The following DNAJB1 variants were observed in gnomAD, a reference collection of about 807,000 sequenced individuals.
DNAJB1 encodes the protein dnaJ homolog subfamily B member 1.
DNAJB1 carries 14 observed loss-of-function variants against 24.0 expected under a neutral mutation model. The ratio of observed to expected loss-of-function variants is 0.58; its 90% confidence interval spans 0.39 to 0.91. DNAJB1 has a LOEUF of 0.91. DNAJB1 is among the 40% of genes least tolerant of loss of function. The pLI, the probability that DNAJB1 is intolerant of heterozygous loss-of-function variation, is 0.00. For missense variants in DNAJB1, 517 were observed against 458.1 expected (o/e 1.13, Z -1.17); for synonymous variants, 262 against 174.4 (o/e 1.50, Z -3.96).
At chr19:14,522,342 G>A (rs962824809), upstream of DNAJB1, among the ~76,000 whole-genome samples, 24 of 151,904 alleles carry the variant, frequency 1.6e-4, no homozygotes, top group African/African-American at 5.3e-4. Context: ...CACTGAGGCC[G>A]GGTGTGGTGG....
chr19:14,519,135 A>T (rs1056832223), upstream of DNAJB1, among the ~76,000 whole-genome samples: 1 of 152,220 alleles, frequency 6.6e-6, no homozygotes, highest in Non-Finnish European at 1.5e-5. Flanking sequence ...TGGGAGGCCG[A>T]GGCGGGCGGA....
chr19:14,554,391 C>G (rs1427034471), upstream of DNAJB1, among the ~76,000 whole-genome samples: 1 of 152,206 alleles, frequency 6.6e-6, no homozygotes, highest in Admixed American at 6.5e-5. Flanking sequence ...GCTTCCCGCT[C>G]TGGCCCGGGT....
chr19:14,559,156 C>T (rs1253209530), intron 1 of DNAJB1, among the ~76,000 whole-genome samples: 1 of 152,112 alleles, frequency 6.6e-6, no homozygotes, highest in South Asian at 2.1e-4. Flanking sequence ...GTTTGTTACC[C>T]CTCACCCCTT....
At chr19:14,554,116 A>G (rs188097899), upstream of DNAJB1, among the ~76,000 whole-genome samples, 2 of 152,200 alleles carry the variant, frequency 1.3e-5, no homozygotes, top group Non-Finnish European at 2.9e-5. Context: ...GGCTTTCAAC[A>G]TGCACGCGTG....
chr19:14,549,761 G>C (rs902120642), intron 1 of DNAJB1, among the ~76,000 whole-genome samples: 1 of 151,936 alleles, frequency 6.6e-6, no homozygotes, highest in Non-Finnish European at 1.5e-5. Context: ...TGACCAACAT[G>C]GTGAAACCCC....
At chr19:14,530,838 A>G (rs942325716), upstream of DNAJB1, 4 of 152,218 alleles carry the variant, frequency 2.6e-5, no homozygotes, top group African/African-American at 9.6e-5. Context: ...AGTGGCATTA[A>G]GAACATTCAC....
intron 1 of DNAJB1, among the ~76,000 whole-genome samples, chr19:14,538,778 G>C (rs2420530): frequency 1.3e-5 from 2 of 151,768 alleles, no homozygotes. Flanking sequence ...TGATCCACCC[G>C]CCTCAGCCTC....
chr19:14,518,404 G>A (rs1319104875), upstream of DNAJB1: 11 of 1,494,630 alleles, frequency 7.4e-6, no homozygotes, highest in Admixed American at 4.3e-5. Flanking sequence ...CTCCGCCGCC[G>A]ACCAGTCCCG....
chr19:14,519,325 G>A (rs750802321), upstream of DNAJB1, among the ~76,000 whole-genome samples: 1 of 152,114 alleles, frequency 6.6e-6, no homozygotes, highest in African/African-American at 2.4e-5. Context: ...GCCGAGATCC[G>A]GCCGTTGCAC....
intron 1 of DNAJB1, among the ~76,000 whole-genome samples, chr19:14,543,738 A>G (rs565371696): frequency 5.2e-5 from 7 of 135,206 alleles, no homozygotes; most frequent in African/African-American, 2.0e-4. Context: ...GCGCCCGGCT[A>G]TATATATATT....
chr19:14,549,886 T>C (rs1409180505), intron 1 of DNAJB1, among the ~76,000 whole-genome samples: 1 of 151,528 alleles, frequency 6.6e-6, no homozygotes, highest in Non-Finnish European at 1.5e-5. Flanking sequence ...GAGGTTGCAG[T>C]GAGCCGAGAT....
chr19:14,558,564 G>A (rs908178217), intron 1 of DNAJB1, among the ~76,000 whole-genome samples: 1 of 152,116 alleles, frequency 6.6e-6, no homozygotes, highest in African/African-American at 2.4e-5. Context: ...TCATCACAGA[G>A]CCACAGGCCG....
upstream of DNAJB1, chr19:14,529,553 G>A (rs1039376395): frequency 7.8e-6 from 10 of 1,286,306 alleles, no homozygotes; most frequent in South Asian, 1.2e-5. Context: ...TGGCCGACGG[G>A]GCGCGCGCGG....
intron 2 of DNAJB1, among the ~76,000 whole-genome samples, chr19:14,524,856 G>T (rs1287405890): frequency 7.5e-5 from 5 of 67,064 alleles, no homozygotes; most frequent in East Asian, 2.5e-4. Flanking sequence ...AAAAAAAAAA[G>T]ACCTTCAAAA....
intron 1 of DNAJB1, among the ~76,000 whole-genome samples, chr19:14,535,582 A>ATATATATG (rs1294445421): frequency 2.6e-4 from 10 of 38,820 alleles, no homozygotes; most frequent in African/African-American, 7.9e-4. Flanking sequence ...ATATATATAT[A>ATATATATG]TATATATGTA....
At chr19:14,549,120 A>T (rs2073401642) in intron 1 of DNAJB1, among the ~76,000 whole-genome samples, 1 of 151,846 alleles carries the variant, frequency 6.6e-6, no homozygotes, top group South Asian at 2.1e-4. Context: ...CCGGCAGTAG[A>T]CCAGAGTTGC....
Position 14,516,759 on chromosome 19 carries a change from C to A in DNAJB1, c.499G>T (p.Asp167Tyr). The A allele has an allele frequency of 6.2e-7, 1 of 1,613,890 alleles. No homozygotes were observed. The highest frequency in any genetic ancestry group is 1.1e-5 in the South Asian group (1 of 91,072). ...ATCTCTTCAAGGGAGACTCGAAGGT[C>A]GTGGGTGACTGGGGGATCTTGCTTC... The part of the protein sequence containing the change: ...RKKQDPPVTH[D>Y]LRVSLEEIYS... Residue 167 changes from aspartate (D) to tyrosine (Y), a missense_variant, in exon 2 of 3, where the codon GAC becomes TAC. Transcript: ENST00000254322.
chr19:14,543,539 C>T (rs1464533575), intron 1 of DNAJB1, among the ~76,000 whole-genome samples: 2 of 139,758 alleles, frequency 1.4e-5, no homozygotes, highest in South Asian at 2.3e-4. Flanking sequence ...CCCGGGTTCA[C>T]GCCATTCTCC....
chr19:14,522,525 A>G (rs1441645895), upstream of DNAJB1, among the ~76,000 whole-genome samples: 1 of 151,564 alleles, frequency 6.6e-6, no homozygotes, highest in African/African-American at 2.4e-5. Flanking sequence ...CTGAAAGCAA[A>G]CACTGAGGTT....
Sources: gnomAD v4.1 joint callset for allele counts (sites outside exome capture counted in the v4.1 genomes callset) on GRCh38, gnomAD v4.1.1 for gene constraint, MANE v1.5 for transcripts, NCBI Gene and HGNC (gene_info 2026-07-23, HGNC 2026-07-21) for gene names.